FRMPD4: variants seen among roughly 807,000 people sequenced by gnomAD.
FRMPD4 encodes the protein FERM and PDZ domain containing 4, also known as FERM and PDZ domain-containing protein 4.
In FRMPD4, 22 loss-of-function variants were observed where a neutral mutation model predicts 94.1. The ratio of observed to expected loss-of-function variants is 0.23; its 90% CI spans 0.17 to 0.33. FRMPD4 has a LOEUF of 0.33. Ranked by LOEUF, FRMPD4 falls within the 10% of genes least tolerant of loss-of-function variation. FRMPD4 has a pLI of 1.00. For missense variants in FRMPD4, 1,111 were observed against 1,339.9 expected (o/e 0.83, Z 2.67); for synonymous variants, 631 against 548.6 (o/e 1.15, Z -2.10).
intron 2 of FRMPD4, among the ~76,000 whole-genome samples, chrX:12,588,988 G>C (rs987437116): frequency 1.8e-5 from 2 of 112,051 alleles, no homozygotes; most frequent in Non-Finnish European, 3.8e-5. Context: ...AATGTTTGGG[G>C]ATCATTATTT....
chrX:12,247,604 C>T (rs1294566328), intron 1 of FRMPD4, among the ~76,000 whole-genome samples: 1 of 111,676 alleles, frequency 9.0e-6, no homozygotes, highest in African/African-American at 3.3e-5. Flanking sequence ...CCAGGCTGGT[C>T]GTGAACTCCT....
At chrX:12,093,624 G>T (rs2055173484) in intron 3 of FRMPD4, among the ~76,000 whole-genome samples, 1 of 106,712 alleles carries the variant, frequency 9.4e-6, no homozygotes, top group African/African-American at 3.4e-5. Context: ...AAAAAGTCTT[G>T]CTGAGGACAT....
At chrX:11,882,877 G>A (rs750282085) in intron 3 of FRMPD4, among the ~76,000 whole-genome samples, 2 of 111,644 alleles carry the variant, frequency 1.8e-5, no homozygotes, top group South Asian at 7.5e-4. Flanking sequence ...GAGGGATGAG[G>A]TAATGGGAAG....
chrX:12,298,834 T>C (rs1017212761), intron 1 of FRMPD4, among the ~76,000 whole-genome samples: 2 of 112,451 alleles, frequency 1.8e-5, no homozygotes, highest in African/African-American at 3.2e-5. Flanking sequence ...TCTCTGTGTA[T>C]AGTTAGAAGT....
chrX:11,851,082 C>A (rs1254135372), intron 1 of FRMPD4, among the ~76,000 whole-genome samples: 2 of 111,840 alleles, frequency 1.8e-5, no homozygotes, highest in Non-Finnish European at 1.9e-5. Flanking sequence ...ACTGCATGAA[C>A]AGAACTGGCA....
Position 12,662,277 on chromosome X carries a change from G to A in FRMPD4, c.423-12586G>A, listed in dbSNP as rs779567018. Among the ~76,000 whole-genome samples, 8 of 109,864 alleles carry A rather than the reference G, an allele frequency of 7.3e-5. No homozygotes were observed. The East Asian group carries it at 1.1e-3, about 16-fold the overall frequency. On this transcript the variant is annotated intron_variant, in intron 4 of 16. Coordinates refer to ENST00000675598, the MANE Select transcript of FRMPD4 (RefSeq NM_001368397.1). ...GCAGGTTTGTTACATAGGTATACAC[G>A]TGCCATGGTGGTTTGCTGCACCCAT...
intron 1 of FRMPD4, among the ~76,000 whole-genome samples, chrX:12,286,017 C>T (rs977160950): frequency 1.1e-4 from 12 of 112,262 alleles, no homozygotes; most frequent in African/African-American, 3.6e-4. Context: ...CCCACTTCTA[C>T]TCAGCTGACC....
At chrX:12,151,031 G>A (rs895676015) in intron 1 of FRMPD4, among the ~76,000 whole-genome samples, 6 of 111,005 alleles carry the variant, frequency 5.4e-5, no homozygotes, top group Admixed American at 2.9e-4. Context: ...GTTTTTTATC[G>A]CTCTTTTGAA....
intron 1 of FRMPD4, among the ~76,000 whole-genome samples, chrX:12,186,194 C>T (rs751597544): frequency 9.0e-6 from 1 of 111,284 alleles, no homozygotes; most frequent in East Asian, 2.8e-4. Flanking sequence ...ACTCATGTGT[C>T]AGATGCCTCC....
Position 12,139,889 on chromosome X carries a change from C to A in FRMPD4, c.41+877C>A, listed in dbSNP as rs188591123. ...TCTCTGCCCCTGGAGCTCTTTATAG[C>A]AGCTACCACCAGGACGTAGGAGGTA... On this transcript the variant is annotated intron_variant, in intron 1 of 16. Coordinates refer to ENST00000675598, the MANE Select transcript of FRMPD4 (RefSeq NM_001368397.1). 6.9e-4 allele frequency among the ~76,000 whole-genome samples: 77 copies of A among 111,466 alleles called. 1 individual carries two copies. The highest frequency in any genetic ancestry group is 2.5e-3 in the African/African-American group (75 of 30,563).
At chrX:12,639,941 A>G (rs1245900980) in intron 4 of FRMPD4, among the ~76,000 whole-genome samples, 2 of 111,669 alleles carry the variant, frequency 1.8e-5, no homozygotes, top group African/African-American at 6.5e-5. Context: ...AATATTTTCA[A>G]CAGAAGAAGG....
At chrX:12,152,851 G>T (rs1031126711) in intron 1 of FRMPD4, among the ~76,000 whole-genome samples, 2 of 107,996 alleles carry the variant, frequency 1.9e-5, no homozygotes, top group Non-Finnish European at 3.8e-5. Flanking sequence ...TCAAGATAAG[G>T]TTTTCTCTGA....
At chrX:12,704,326 A>C in intron 10 of FRMPD4, 33 bp from the exon 11 acceptor site, 1 of 1,091,963 alleles carries the variant, frequency 9.2e-7, no homozygotes, top group South Asian at 2.2e-5. Flanking sequence ...TCATCACAGA[A>C]ATGTGAAATT....
intron 1 of FRMPD4, among the ~76,000 whole-genome samples, chrX:12,231,051 AT>A (rs1292431326): frequency 1.4e-3 from 36 of 26,601 alleles, no homozygotes; most frequent in African/African-American, 4.7e-3. Flanking sequence ...TATATATAAA[AT>A]ATATATATAT....
In FRMPD4 at chrX:12,179,596, A is replaced by G. The variant is rs143274169; in HGVS notation, c.41+40584A>G. ...ATATAAAAATGACAAGTATGCAAGA[A>G]ATATATGCCCCAAAATGTTGGGTGG... On this transcript the variant is annotated intron_variant, in intron 1 of 16. Transcript: ENST00000675598. Among the ~76,000 whole-genome samples the G allele has an allele frequency of 4.2e-3, 468 of 111,636 alleles. 3 individuals carry two copies. The highest frequency in any genetic ancestry group is 0.015 in the African/African-American group (448 of 30,750).
At chrX:11,970,532 A>C (rs1318854168) in intron 3 of FRMPD4, among the ~76,000 whole-genome samples, 1 of 112,134 alleles carries the variant, frequency 8.9e-6, no homozygotes, top group Non-Finnish European at 1.9e-5. Context: ...GAAACACAGA[A>C]ATTAATTAAT....
At chrX:12,298,280 C>A (rs745985065) in intron 1 of FRMPD4, among the ~76,000 whole-genome samples, 30 of 112,254 alleles carry the variant, frequency 2.7e-4, no homozygotes, top group African/African-American at 9.4e-4. Flanking sequence ...CAGATCCCCT[C>A]AATGTAAACT....
chrX:12,215,324 G>A (rs2056795864), intron 1 of FRMPD4, among the ~76,000 whole-genome samples: 1 of 110,939 alleles, frequency 9.0e-6, no homozygotes, highest in African/African-American at 3.3e-5. Context: ...TTTCCATCCT[G>A]GTTGTCTGCA....
intron 1 of FRMPD4, among the ~76,000 whole-genome samples, chrX:12,405,523 C>G (rs748201233): frequency 1.8e-5 from 2 of 111,198 alleles, no homozygotes; most frequent in South Asian, 7.6e-4. Context: ...TTTGTGAATT[C>G]TGAACATTTT....
Sources: allele counts gnomAD v4.1 joint callset (sites outside exome capture counted in the v4.1 genomes callset), GRCh38; gene constraint gnomAD v4.1.1; transcripts MANE v1.5; gene names NCBI Gene and HGNC (gene_info 2026-07-23, HGNC 2026-07-21).